BRINP2: variants seen among roughly 807,000 people sequenced by gnomAD.
The protein encoded by BRINP2 is BMP/retinoic acid-inducible neural-specific protein 2.
In BRINP2, 21 loss-of-function variants were observed where a neutral mutation model predicts 69.2. That is an observed-to-expected ratio of 0.30 (90% confidence interval 0.22 to 0.44). The LOEUF is 0.44. Among genes scored for constraint, BRINP2 ranks in the 20% least tolerant of loss-of-function variants. The pLI is 1.00. For synonymous variants in BRINP2, 380 were observed against 394.1 expected (o/e 0.96, Z 0.42); for missense variants, 877 against 986.0 (o/e 0.89, Z 1.48).
intron 2 of BRINP2, among the ~76,000 whole-genome samples, chr1:177,248,460 C>CGT (rs1300367820): frequency 2.9e-5 from 4 of 140,000 alleles, no homozygotes; most frequent in African/African-American, 8.2e-5. Context: ...TGTGTGCGTG[C>CGT]GTGTGTGTGT....
intron 3 of BRINP2, chr1:177,256,718 T>C (rs1478147485): frequency 1.9e-5 from 21 of 1,079,982 alleles, no homozygotes; most frequent in Non-Finnish European, 2.3e-5. Flanking sequence ...TCCAATCGAC[T>C]AAAACAAGCT....
intron 1 of BRINP2, among the ~76,000 whole-genome samples, chr1:177,206,257 T>G (rs1649068132): frequency 1.3e-5 from 2 of 152,180 alleles, no homozygotes; most frequent in Non-Finnish European, 1.5e-5. Flanking sequence ...AGACCCAGAG[T>G]TAGAGCCACC....
intron 1 of BRINP2, among the ~76,000 whole-genome samples, chr1:177,206,808 T>A (rs991825280): frequency 2.6e-5 from 4 of 152,136 alleles, no homozygotes; most frequent in Non-Finnish European, 5.9e-5. Context: ...ACAGAAGTAT[T>A]TTGTGGGTGA....
intron 3 of BRINP2, 178 bp from the exon 4 acceptor site, chr1:177,256,998 C>T: frequency 6.6e-7 from 1 of 1,513,874 alleles, no homozygotes; most frequent in East Asian, 2.5e-5. Context: ...AGGCCGCTGG[C>T]CTGTGGCTCC....
chr1:177,236,944 G>C (rs1650046501), intron 2 of BRINP2, among the ~76,000 whole-genome samples: 1 of 151,348 alleles, frequency 6.6e-6, no homozygotes, highest in Non-Finnish European at 1.5e-5. Flanking sequence ...ACTCCCACCT[G>C]AAGAGGCATG....
chr1:177,246,661 G>C (rs1407173488), intron 2 of BRINP2, among the ~76,000 whole-genome samples: 2 of 152,224 alleles, frequency 1.3e-5, no homozygotes, highest in African/African-American at 4.8e-5. Flanking sequence ...GAAGGTCAAT[G>C]TCCCTACCAT....
At chr1:177,178,871 T>A (rs879829669) in intron 1 of BRINP2, among the ~76,000 whole-genome samples, 6 of 152,220 alleles carry the variant, frequency 3.9e-5, no homozygotes, top group Admixed American at 2.6e-4. Flanking sequence ...AAGGTATGAT[T>A]ATAATCATGA....
At chr1:177,241,699 A>G (rs1346849329) in intron 2 of BRINP2, among the ~76,000 whole-genome samples, 3 of 152,210 alleles carry the variant, frequency 2.0e-5, no homozygotes, top group Non-Finnish European at 4.4e-5. Context: ...GAATTTTGTC[A>G]TGGATCAATA....
chr1:177,229,822 C>CA lies in BRINP2; in HGVS notation c.-54dup. ...CCAGCTCCGAGCCCTGGAGGAGCAGCACGGAGCGGGAGAGCGTGGCGAGAG... is the reference window on the plus strand; with the variant it reads ...CCAGCTCCGAGCCCTGGAGGAGCAGCAACGGAGCGGGAGAGCGTGGCGAGAG... On this transcript the variant is annotated 5_prime_UTR_variant, in exon 2 of 8. Transcript: ENST00000361539. 2.0e-6 allele frequency: 3 copies of CA among 1,525,178 alleles called. No individual in the cohort carries two copies. Among genetic ancestry groups the CA allele is most frequent in the South Asian group, 2.6e-5 (2 of 76,862 alleles). The allele number at this position is 1,525,178 out of a possible 1,614,324, so 94.5% of individuals were successfully genotyped here.
At chr1:177,237,408 A>T (rs200445335) in intron 2 of BRINP2, among the ~76,000 whole-genome samples, 1 of 64,384 alleles carries the variant, frequency 1.6e-5, no homozygotes, top group African/African-American at 4.2e-5. Context: ...ATACATTCTC[A>T]GTGATTGATG....
intron 1 of BRINP2, among the ~76,000 whole-genome samples, chr1:177,177,582 A>T (rs1648124001): frequency 1.3e-5 from 2 of 152,128 alleles, no homozygotes; most frequent in Admixed American, 1.3e-4. Context: ...CCTGCCCCAA[A>T]TTACCTTTAT....
chr1:177,173,982 T>C (rs1648014547), intron 1 of BRINP2, among the ~76,000 whole-genome samples: 1 of 152,218 alleles, frequency 6.6e-6, no homozygotes, highest in Non-Finnish European at 1.5e-5. Flanking sequence ...TAATAAGACC[T>C]TGTATACATT....
chr1:177,229,897 T>C lies in BRINP2; in HGVS notation c.21T>C (p.Thr7=). The part of the protein sequence containing the change: MRWQCG[T]RFRGLRPAVA... ...GAAGCATGAGGTGGCAGTGTGGCAC[T>C]CGGTTTAGAGGGCTTCGGCCGGCGG... Residue 7 remains threonine, a synonymous_variant, in exon 2 of 8, where the codon ACT becomes ACC. Coordinates refer to ENST00000361539, the MANE Select transcript of BRINP2 (RefSeq NM_021165.4). The C allele has an allele frequency of 6.3e-7, 1 of 1,589,788 alleles. No individual in the cohort carries two copies. Among genetic ancestry groups the C allele is most frequent in the Non-Finnish European group, 8.6e-7 (1 of 1,164,070 alleles).
intron 1 of BRINP2, among the ~76,000 whole-genome samples, chr1:177,225,084 C>G (rs187429432): frequency 4.5e-4 from 68 of 152,210 alleles, no homozygotes; most frequent in Admixed American, 1.2e-3. Context: ...CAGGAGGATG[C>G]AAAAAAATTC....
intron 2 of BRINP2, among the ~76,000 whole-genome samples, chr1:177,245,746 TG>T (rs1467534861): frequency 6.6e-6 from 1 of 152,142 alleles, no homozygotes; most frequent in East Asian, 1.9e-4. Context: ...CTCATTCCAG[TG>T]GGTCTGTTGT....
chr1:177,193,330 T>G (rs554529640), intron 1 of BRINP2, among the ~76,000 whole-genome samples: 1 of 152,316 alleles, frequency 6.6e-6, no homozygotes, highest in Non-Finnish European at 1.5e-5. Context: ...ATTTGAGCAA[T>G]TGCAAGCTAT....
chr1:177,272,473 C>T (rs541023179), intron 4 of BRINP2, among the ~76,000 whole-genome samples: 4 of 152,356 alleles, frequency 2.6e-5, no homozygotes, highest in African/African-American at 9.6e-5. Context: ...ACATGGTGAG[C>T]AAAATAAATA....
chr1:177,267,799 C>A (rs1296718136), intron 4 of BRINP2, among the ~76,000 whole-genome samples: 2 of 152,116 alleles, frequency 1.3e-5, no homozygotes. Flanking sequence ...TTTTATAGTG[C>A]CTATTAATGC....
chr1:177,270,978 A>C (rs1651306831), intron 4 of BRINP2, among the ~76,000 whole-genome samples: 1 of 152,212 alleles, frequency 6.6e-6, no homozygotes, highest in Non-Finnish European at 1.5e-5. Context: ...CACCCAATAA[A>C]GAAACATGAT....
Sources: allele counts gnomAD v4.1 joint callset (sites outside exome capture counted in the v4.1 genomes callset), GRCh38; gene constraint gnomAD v4.1.1; transcripts MANE v1.5; gene names NCBI Gene and HGNC (gene_info 2026-07-23, HGNC 2026-07-21).